The following RPS6KC1 variants were observed in gnomAD, a reference collection of about 807,000 sequenced individuals.
The protein encoded by RPS6KC1 is inactive ribosomal protein S6 kinase delta-1.
RPS6KC1 carries 54 observed loss-of-function variants against 103.8 expected under a neutral mutation model. The observed-to-expected ratio is 0.52, with a 90% CI of 0.42 to 0.65. The LOEUF is 0.65. Ranked by LOEUF, RPS6KC1 falls within the 30% of genes least tolerant of loss-of-function variation. The pLI, the probability that RPS6KC1 is intolerant of heterozygous loss-of-function variation, is 0.00. For synonymous variants in RPS6KC1, 439 were observed against 438.7 expected, an observed-to-expected ratio of 1.00 and a Z score of -0.01; for missense variants, 1,151 against 1,253.8, an observed-to-expected ratio of 0.92 and a Z score of 1.24.
rs1483948210 is a variant in RPS6KC1 at position 213,272,666 on chromosome 1, A to G, written c.*32A>G. The G allele has an allele frequency of 2.6e-6, 4 of 1,515,724 alleles. No homozygotes were observed. Among genetic ancestry groups the G allele is most frequent in the Non-Finnish European group, 2.7e-6 (3 of 1,091,004 alleles). The allele number at this position is 1,515,724 out of a possible 1,614,324, so 93.9% of individuals were successfully genotyped here. On this transcript the variant is annotated 3_prime_UTR_variant, in exon 15 of 15. Transcript: ENST00000366960. ...TGCAGGGTTATCTTCACACATTCTG[A>G]TCTTCTCTGTGACAGGCATCTCCAG...
chr1:213,653,008 A>C, the RPS6KC1 span, among the ~76,000 whole-genome samples: 1 of 152,344 alleles, frequency 6.6e-6, no homozygotes, highest in Non-Finnish European at 1.5e-5. Context: ...GGTACATAGC[A>C]CTTTGACAGT....
chr1:213,826,146 GA>G, the RPS6KC1 span, among the ~76,000 whole-genome samples: 1 of 151,808 alleles, frequency 6.6e-6, no homozygotes, highest in Non-Finnish European at 1.5e-5. Context: ...ATCTTTAGGA[GA>G]AAAAAATGAC....
chr1:213,651,243 A>G, the RPS6KC1 span, among the ~76,000 whole-genome samples: 2 of 152,098 alleles, frequency 1.3e-5, no homozygotes, highest in African/African-American at 4.8e-5. Context: ...CCCAATAAAA[A>G]CGCCAGACAG....
chr1:213,444,990 C>T, the RPS6KC1 span, among the ~76,000 whole-genome samples: 1 of 152,294 alleles, frequency 6.6e-6, no homozygotes, highest in African/African-American at 2.4e-5. Flanking sequence ...CCCCATGCCA[C>T]TTAGCCATCA....
At chr1:213,324,753 G>A in the RPS6KC1 span, among the ~76,000 whole-genome samples, 1 of 152,038 alleles carries the variant, frequency 6.6e-6, no homozygotes, top group Admixed American at 6.6e-5. Context: ...CGGGGAGGGG[G>A]TTGGAGGATA....
the RPS6KC1 span, among the ~76,000 whole-genome samples, chr1:213,660,140 C>T: frequency 6.6e-6 from 1 of 152,128 alleles, no homozygotes; most frequent in African/African-American, 2.4e-5. Flanking sequence ...CTACAGGAGC[C>T]CCTAAAGCTA....
At chr1:213,492,731 C>T in the RPS6KC1 span, among the ~76,000 whole-genome samples, 1 of 152,218 alleles carries the variant, frequency 6.6e-6, no homozygotes, top group Admixed American at 6.5e-5. Flanking sequence ...CGTGTGAGCT[C>T]TCGCTCCTTC....
At chr1:213,744,214 T>TAATTACCACTAAAG in the RPS6KC1 span, among the ~76,000 whole-genome samples, 2 of 152,006 alleles carry the variant, frequency 1.3e-5, no homozygotes, top group African/African-American at 4.8e-5. Context: ...ATAATCTCAG[T>TAATTACCACTAAAG]AATTACCACT....
the RPS6KC1 span, among the ~76,000 whole-genome samples, chr1:213,670,723 T>G: frequency 2.0e-5 from 3 of 152,208 alleles, no homozygotes; most frequent in Non-Finnish European, 4.4e-5. Flanking sequence ...CCTGCTCTTC[T>G]GATTTCCTGT....
the RPS6KC1 span, among the ~76,000 whole-genome samples, chr1:213,496,269 T>C: frequency 6.6e-6 from 1 of 152,134 alleles, no homozygotes; most frequent in African/African-American, 2.4e-5. Context: ...ACCTACTTAT[T>C]AAAACATAAA....
the RPS6KC1 span, among the ~76,000 whole-genome samples, chr1:213,415,713 C>G: frequency 6.6e-6 from 1 of 152,180 alleles, no homozygotes; most frequent in Non-Finnish European, 1.5e-5. Flanking sequence ...GAAATGGAAT[C>G]CCTGGGACCC....
At chr1:213,186,096 C>G (rs1437335246) in intron 8 of RPS6KC1, among the ~76,000 whole-genome samples, 1 of 151,324 alleles carries the variant, frequency 6.6e-6, no homozygotes, top group Non-Finnish European at 1.5e-5. Flanking sequence ...TTGATAAAAT[C>G]AGGTAATTTG....
At chr1:213,504,271 TTTTG>T in the RPS6KC1 span, among the ~76,000 whole-genome samples, 5 of 152,116 alleles carry the variant, frequency 3.3e-5, no homozygotes, top group South Asian at 8.3e-4. Context: ...TCAAATAGAG[TTTTG>T]TTTTTCTTTG....
chr1:213,101,973 A>G (rs1218717451), intron 3 of RPS6KC1, among the ~76,000 whole-genome samples: 1 of 152,148 alleles, frequency 6.6e-6, no homozygotes, highest in Non-Finnish European at 1.5e-5. Context: ...GGGTTCTTGC[A>G]GATTTGTTTC....
chr1:213,290,081 C>A, the RPS6KC1 span, among the ~76,000 whole-genome samples: 5 of 130,244 alleles, frequency 3.8e-5, no homozygotes, highest in Admixed American at 4.6e-4. Flanking sequence ...GGAGGCGGAG[C>A]TTGCAGTGAG....
the RPS6KC1 span, among the ~76,000 whole-genome samples, chr1:213,631,375 T>C: frequency 1.7e-5 from 1 of 58,176 alleles, no homozygotes; most frequent in Non-Finnish European, 3.4e-5. Context: ...GCTCTTTCTA[T>C]GCCAAAAAAA....
At chr1:213,230,460 T>C (rs1573466723) in intron 8 of RPS6KC1, 37 bp from the exon 9 acceptor site, 1 of 1,459,970 alleles carries the variant, frequency 6.8e-7, no homozygotes, top group Non-Finnish European at 9.5e-7. Flanking sequence ...TGTTTCATTG[T>C]ATTGTTAATA....
rs556703410 is a variant in RPS6KC1 at position 213,223,187 on chromosome 1, C to T, written c.1045-7310C>T. Among the ~76,000 whole-genome samples, 228 of 152,234 alleles carry T rather than the reference C, an allele frequency of 1.5e-3. 1 individual carries two copies. Among genetic ancestry groups the T allele is most frequent in the African/African-American group, 5.2e-3 (217 of 41,558 alleles). On this transcript the variant is annotated intron_variant, in intron 8 of 14. Coordinates refer to ENST00000366960, the MANE Select transcript of RPS6KC1 (RefSeq NM_012424.6). ...ATATGTGACACCATTAAGGGATGCT[C>T]TGTGTTTGTCCTGTAGTCTTTTTGT... is the stretch of plus-strand genomic sequence containing the variant.
chr1:213,176,078 T>A (rs2148292789), intron 7 of RPS6KC1, among the ~76,000 whole-genome samples: 1 of 152,344 alleles, frequency 6.6e-6, no homozygotes, highest in Non-Finnish European at 1.5e-5. Flanking sequence ...ATCCATTTGT[T>A]ACAAAGTTTT....
Sources: allele counts gnomAD v4.1 joint callset (sites outside exome capture counted in the v4.1 genomes callset), GRCh38; gene constraint gnomAD v4.1.1; transcripts MANE v1.5; gene names NCBI Gene and HGNC (gene_info 2026-07-23, HGNC 2026-07-21).